Variants in FHIT observed in about 807,000 individuals in gnomAD.
FHIT encodes bis(5'-adenosyl)-triphosphatase.
In FHIT, 19 loss-of-function variants were observed where a neutral mutation model predicts 17.9. The ratio of observed to expected loss-of-function variants is 1.06; its 90% CI spans 0.74 to 1.56. The LOEUF (loss-of-function observed/expected upper bound fraction) is 1.56, where lower values mean the gene tolerates loss of function less well. FHIT is among the 40% of genes most tolerant of loss of function. FHIT has a pLI of 0.00. For missense variants in FHIT, 248 were observed against 189.2 expected (o/e 1.31, Z -1.82); for synonymous variants, 81 against 69.7 (o/e 1.16, Z -0.81).
intron 3 of FHIT, among the ~76,000 whole-genome samples, chr3:60,896,756 T>C (rs906864762): frequency 6.6e-6 from 1 of 152,204 alleles, no homozygotes; most frequent in Non-Finnish European, 1.5e-5. Flanking sequence ...CCATTTGATA[T>C]ATAGTTAGGT....
intron 4 of FHIT, among the ~76,000 whole-genome samples, chr3:60,728,060 A>ACATG (rs1448961665): frequency 6.6e-6 from 1 of 152,222 alleles, no homozygotes; most frequent in Non-Finnish European, 1.5e-5. Flanking sequence ...AATAGGAAGG[A>ACATG]AAATGCCTAT....
chr3:60,211,507 A>G (rs1035054436), intron 5 of FHIT, among the ~76,000 whole-genome samples: 3 of 152,166 alleles, frequency 2.0e-5, no homozygotes, highest in African/African-American at 7.2e-5. Context: ...AGTAAAATAA[A>G]CCTAATTTCA....
intron 3 of FHIT, among the ~76,000 whole-genome samples, chr3:60,879,477 A>T (rs559604111): frequency 6.6e-6 from 1 of 152,334 alleles, no homozygotes; most frequent in African/African-American, 2.4e-5. Flanking sequence ...CACCAAATGC[A>T]TAGACATTGA....
chr3:60,924,712 G>C (rs527896873), intron 3 of FHIT, among the ~76,000 whole-genome samples: 1 of 152,318 alleles, frequency 6.6e-6, no homozygotes, highest in East Asian at 1.9e-4. Flanking sequence ...GACGGAGAAT[G>C]ACTTTGACGA....
At chr3:59,953,452 T>A (rs1177705792) in intron 7 of FHIT, among the ~76,000 whole-genome samples, 2 of 152,138 alleles carry the variant, frequency 1.3e-5, no homozygotes, top group Non-Finnish European at 2.9e-5. Flanking sequence ...TAGCCGCACA[T>A]GATTCCCGGC....
chr3:60,414,566 T>C (rs2107237842), intron 5 of FHIT, among the ~76,000 whole-genome samples: 1 of 152,286 alleles, frequency 6.6e-6, no homozygotes, highest in East Asian at 1.9e-4. Context: ...TGAAAGCAAA[T>C]TTATCAAGGA....
intron 2 of FHIT, among the ~76,000 whole-genome samples, chr3:61,093,131 G>A (rs975964144): frequency 6.6e-5 from 10 of 152,196 alleles, no homozygotes; most frequent in African/African-American, 9.7e-5. Flanking sequence ...TGTAAATGAA[G>A]TAAACAACGT....
chr3:60,461,809 A>C (rs953999062), intron 5 of FHIT, among the ~76,000 whole-genome samples: 2 of 152,168 alleles, frequency 1.3e-5, no homozygotes, highest in Non-Finnish European at 2.9e-5. Flanking sequence ...CAAACAAGCC[A>C]TGCTCTTTCC....
intron 5 of FHIT, among the ~76,000 whole-genome samples, chr3:60,267,822 A>G (rs1307023038): frequency 1.3e-5 from 2 of 152,194 alleles, no homozygotes; most frequent in Non-Finnish European, 2.9e-5. Context: ...TGAATACAAA[A>G]CTATTTATTG....
intron 5 of FHIT, among the ~76,000 whole-genome samples, chr3:60,347,588 G>C (rs1465871508): frequency 7.4e-6 from 1 of 135,414 alleles, no homozygotes; most frequent in Non-Finnish European, 1.5e-5. Flanking sequence ...TCTTAAGAAG[G>C]AAAATTCATT....
At chr3:61,214,666 C>T (rs1454590799) in intron 1 of FHIT, among the ~76,000 whole-genome samples, 1 of 152,100 alleles carries the variant, frequency 6.6e-6, no homozygotes, top group Non-Finnish European at 1.5e-5. Context: ...ATGAGGCCAG[C>T]ATCATCCTGA....
At chr3:59,843,934 A>C (rs1397662478) in intron 8 of FHIT, among the ~76,000 whole-genome samples, 3 of 152,116 alleles carry the variant, frequency 2.0e-5, no homozygotes, top group Non-Finnish European at 4.4e-5. Flanking sequence ...GCAGAACTCT[A>C]ATGGCTTGGT....
chr3:60,408,956 T>C (rs1701970456), intron 5 of FHIT, among the ~76,000 whole-genome samples: 1 of 152,068 alleles, frequency 6.6e-6, no homozygotes, highest in Non-Finnish European at 1.5e-5. Flanking sequence ...AAAAATTCTG[T>C]AGCACAGAGT....
At chr3:60,597,388 A>G (rs1257406915) in intron 4 of FHIT, among the ~76,000 whole-genome samples, 1 of 152,154 alleles carries the variant, frequency 6.6e-6, no homozygotes, top group Non-Finnish European at 1.5e-5. Flanking sequence ...TTTTAAAACC[A>G]GGGGCTCATA....
chr3:61,230,973 C>T (rs1308446284), intron 1 of FHIT, among the ~76,000 whole-genome samples: 1 of 152,086 alleles, frequency 6.6e-6, no homozygotes, highest in Non-Finnish European at 1.5e-5. Context: ...AGAAGTCATC[C>T]TTTTAGAATT....
At chr3:60,700,004 G>A (rs1553701694) in intron 4 of FHIT, among the ~76,000 whole-genome samples, 1 of 151,734 alleles carries the variant, frequency 6.6e-6, no homozygotes, top group East Asian at 1.9e-4. Flanking sequence ...TGGGGTGCAT[G>A]CCTGTAATCC....
At chr3:59,999,893 C>A (rs761432746) in intron 7 of FHIT, among the ~76,000 whole-genome samples, 12 of 152,130 alleles carry the variant, frequency 7.9e-5, no homozygotes, top group Non-Finnish European at 1.8e-4. Context: ...CAGGTGTGAG[C>A]CACTGTTCCT....
intron 8 of FHIT, among the ~76,000 whole-genome samples, chr3:59,875,433 C>A (rs1703108520): frequency 6.6e-6 from 1 of 152,280 alleles, no homozygotes. Flanking sequence ...TGCCTGGCGT[C>A]CTCAAGACTC....
chr3:60,126,955 C>A (rs1275513464), intron 5 of FHIT, among the ~76,000 whole-genome samples: 1 of 152,154 alleles, frequency 6.6e-6, no homozygotes, highest in South Asian at 2.1e-4. Context: ...TTGTTCTAAC[C>A]ACCATCTCTG....
Sources: gnomAD v4.1 joint callset for allele counts (sites outside exome capture counted in the v4.1 genomes callset) on GRCh38, gnomAD v4.1.1 for gene constraint, MANE v1.5 for transcripts, NCBI Gene and HGNC (gene_info 2026-07-23, HGNC 2026-07-21) for gene names.